KCTD9: variants seen among roughly 807,000 people sequenced by gnomAD.
KCTD9 encodes the protein potassium channel tetramerization domain containing 9.
In KCTD9, 17 loss-of-function variants were observed where a neutral mutation model predicts 53.3. That is an observed-to-expected ratio of 0.32 (90% CI 0.22 to 0.48). KCTD9 has a LOEUF of 0.48. Ranked by LOEUF, KCTD9 falls within the 20% of genes least tolerant of loss-of-function variation. KCTD9 has a pLI of 0.99. For synonymous variants in KCTD9, 128 were observed against 162.7 expected (o/e 0.79, Z 1.62); for missense variants, 179 against 465.5 (o/e 0.38, Z 5.66).
At chr8:25,451,139 A>G (rs1318178294) in intron 1 of KCTD9, among the ~76,000 whole-genome samples, 1 of 152,222 alleles carries the variant, frequency 6.6e-6, no homozygotes, top group East Asian at 1.9e-4. Flanking sequence ...CATACTAACA[A>G]TACCATACAA....
intron 1 of KCTD9, among the ~76,000 whole-genome samples, chr8:25,448,908 CCTT>C (rs761223555): frequency 2.0e-4 from 30 of 151,568 alleles, no homozygotes; most frequent in Non-Finnish European, 3.8e-4. Flanking sequence ...AAGTGAGACT[CCTT>C]CTCCAAGAAA....
At chr8:25,449,931 GTT>G (rs898511719) in intron 1 of KCTD9, among the ~76,000 whole-genome samples, 1 of 152,144 alleles carries the variant, frequency 6.6e-6, no homozygotes, top group Non-Finnish European at 1.5e-5. Flanking sequence ...AGACCTGTTT[GTT>G]GTTTTATTTA....
At chr8:25,453,100 C>T (rs375387080) in intron 1 of KCTD9, among the ~76,000 whole-genome samples, 51 of 152,248 alleles carry the variant, frequency 3.3e-4, no homozygotes, top group African/African-American at 1.1e-3. Flanking sequence ...GAGTGGCTCA[C>T]GCCTGTAATC....
At chr8:25,444,443 C>A in intron 2 of KCTD9, 108 bp from the exon 3 acceptor site, 2 of 1,034,040 alleles carry the variant, frequency 1.9e-6, no homozygotes, top group Middle Eastern at 2.1e-4. Flanking sequence ...ATAGGTTTTG[C>A]TATCAATCTA....
intron 2 of KCTD9, 49 bp downstream of exon 2, chr8:25,446,080 C>G: frequency 6.3e-7 from 1 of 1,598,082 alleles, no homozygotes; most frequent in Middle Eastern, 2.2e-4. Context: ...AGCATAGCAC[C>G]AAGAAGTTGA....
Position 25,447,013 on chromosome 8 carries a change from C to T in KCTD9, c.49-763G>A, listed in dbSNP as rs1003211764. On this transcript the variant is annotated intron_variant, in intron 1 of 11. Coordinates refer to ENST00000221200, the MANE Select transcript of KCTD9 (RefSeq NM_017634.4). ...TCTACATGTAAGTGAATTTTGTGCC[C>T]TGGTCCTAACTGTAACTATGGGTTC... Among the ~76,000 whole-genome samples, 10 of 152,182 alleles carry T rather than the reference C, an allele frequency of 6.6e-5. 1 individual carries two copies. Among genetic ancestry groups the T allele is most frequent in the Non-Finnish European group, 1.5e-4 (10 of 68,032 alleles).
chr8:25,448,776 G>A (rs138871917), intron 1 of KCTD9, among the ~76,000 whole-genome samples: 6 of 152,150 alleles, frequency 3.9e-5, no homozygotes, highest in East Asian at 3.9e-4. Context: ...TTAGCCGGGC[G>A]TGGTGGCGTG....
In KCTD9 at chr8:25,440,670, G is replaced by A. The variant is rs1161331532; in HGVS notation, c.218C>T (p.Pro73Leu). The A allele has an allele frequency of 1.3e-6, 2 of 1,591,346 alleles. No individual in the cohort carries two copies. Among genetic ancestry groups the A allele is most frequent in the African/African-American group, 2.7e-5 (2 of 74,476 alleles). The change falls in exon 4 of 12, where the codon CCT becomes CTT. Residue 73 changes from proline (P) to leucine (L), a missense_variant. By Grantham distance (98) the Pro-to-Leu change is moderately conservative (BLOSUM62 -3). Transcript: ENST00000221200. Reference sequence around the variant, plus strand: ...CTCAGGAGGCTTAGAATCTGTCTGAGGATCTAGAGATGACATGTAGAAAAT... The same window carrying A: ...CTCAGGAGGCTTAGAATCTGTCTGAAGATCTAGAGATGACATGTAGAAAAT... ...FVCEGEPFID[P>L]QTDSKPPEGL...
rs1802209185 is a variant in KCTD9, at chr8:25,446,059, T to C, written c.170+70A>G. 8.3e-6 allele frequency: 13 copies of C among 1,568,094 alleles called. No homozygotes were observed. The South Asian group carries it at 1.5e-4, about 18-fold the overall frequency. On this transcript the variant is annotated intron_variant, in intron 2 of 11. Coordinates refer to ENST00000221200, the MANE Select transcript of KCTD9 (RefSeq NM_017634.4). ...CTCTTAACAGTGATTAAATTACTGC[T>C]TAAGGGAAACAGCATAGCACCAAGA...
At chr8:25,450,506 C>G (rs1216041015) in intron 1 of KCTD9, 2 of 951,482 alleles carry the variant, frequency 2.1e-6, no homozygotes, top group African/African-American at 1.8e-5. Context: ...AAAAAATACA[C>G]AGTATAAATG....
chr8:25,455,934 A>G (rs1339358632), intron 1 of KCTD9, among the ~76,000 whole-genome samples: 1 of 152,244 alleles, frequency 6.6e-6, no homozygotes, highest in South Asian at 2.1e-4. Flanking sequence ...CTGACCTCCA[A>G]TAAATCGTCT....
Position 25,458,149 on chromosome 8 carries a change from C to A in KCTD9, c.48+50G>T, listed in dbSNP as rs550744284. 1.3e-4 allele frequency: 198 copies of A among 1,502,948 alleles called. 1 individual carries two copies. The African/African-American group carries it at 2.4e-3, about 18-fold the overall frequency. The allele number at this position is 1,502,948 out of a possible 1,614,324, so 93.1% of individuals were successfully genotyped here. A position where few individuals can be genotyped will look rare whatever the true frequency, so the allele number is the denominator to read the frequency against. On this transcript the variant is annotated intron_variant, in intron 1 of 11. Coordinates refer to ENST00000221200, the MANE Select transcript of KCTD9 (RefSeq NM_017634.4). ...CCCCGCCAGCCGGTTCCGCACCGTC[C>A]GCCCTCGCCCCGACCCCCGGCCCGC...
chr8:25,454,217 T>C (rs1165112788), intron 1 of KCTD9, among the ~76,000 whole-genome samples: 1 of 152,192 alleles, frequency 6.6e-6, no homozygotes, highest in East Asian at 1.9e-4. Flanking sequence ...TACCAAAACC[T>C]GAAGAAAAGT....
At chr8:25,439,833 T>A (rs981959347) in intron 4 of KCTD9, 169 bp from the exon 5 acceptor site, 1 of 1,379,252 alleles carries the variant, frequency 7.3e-7, no homozygotes, top group Non-Finnish European at 9.6e-7. Flanking sequence ...ATTTATCAGA[T>A]CCCTTCTAAT....
intron 1 of KCTD9, among the ~76,000 whole-genome samples, chr8:25,454,379 A>T (rs1035712903): frequency 6.6e-6 from 1 of 152,250 alleles, no homozygotes; most frequent in Non-Finnish European, 1.5e-5. Flanking sequence ...ATCAGTATAC[A>T]AAAGGCCTAG....
In KCTD9 at chr8:25,446,350, T is replaced by C. The variant is rs1802213674; in HGVS notation, c.49-100A>G. 3.7e-6 allele frequency: 5 copies of C among 1,348,036 alleles called. No individual in the cohort carries two copies. The Admixed American group carries it at 1.1e-4, about 30-fold the overall frequency. 83.5% of individuals were successfully genotyped at this position (1,348,036 alleles called of 1,614,324 possible). On this transcript the variant is annotated intron_variant, in intron 1 of 11. Transcript: ENST00000221200. ...TAGAACAGTGCTAAAAAGATTATCA[T>C]ATAAAAGGAGACTTCAAAAGGTTCT...
chr8:25,429,863 G>C lies in KCTD9; in HGVS notation c.1164C>G (p.Val388=). The C allele has an allele frequency of 6.7e-7, 1 of 1,498,942 alleles. No individual in the cohort carries two copies. Among genetic ancestry groups the C allele is most frequent in the African/African-American group, 1.4e-5 (1 of 73,008 alleles). 92.9% of individuals were successfully genotyped at this position (1,498,942 alleles called of 1,614,324 possible). The change falls in exon 12 of 12, where the codon GTC becomes GTG. Residue 388 remains valine (V), a synonymous_variant. Transcript: ENST00000221200. ...MLTPLHMSQS[V]R ...CCTCCAGCCCCTAAAATTCTCATCT[G>C]ACACTTTGTGACATGTGTAGTGGTG...
At chr8:25,454,817 T>A (rs1265573602) in intron 1 of KCTD9, among the ~76,000 whole-genome samples, 1 of 152,218 alleles carries the variant, frequency 6.6e-6, no homozygotes, top group African/African-American at 2.4e-5. Flanking sequence ...AAAGTACATG[T>A]TTTCCCAAAT....
chr8:25,455,244 TAATAAATA>T (rs529396102), intron 1 of KCTD9, among the ~76,000 whole-genome samples: 1 of 150,716 alleles, frequency 6.6e-6, no homozygotes, highest in Non-Finnish European at 1.5e-5. Flanking sequence ...TAATAATAAA[TAATAAATA>T]AATAAATAAA....
Sources: allele counts gnomAD v4.1 joint callset (sites outside exome capture counted in the v4.1 genomes callset), GRCh38; gene constraint gnomAD v4.1.1; transcripts MANE v1.5; gene names NCBI Gene and HGNC (gene_info 2026-07-23, HGNC 2026-07-21).